RPAP3: variants seen among roughly 807,000 people sequenced by gnomAD.
RPAP3 encodes the protein RNA polymerase II associated protein 3.
RPAP3 carries 58 observed loss-of-function variants against 88.8 expected under a neutral mutation model. That is an observed-to-expected ratio of 0.65 (90% CI 0.53 to 0.81). The LOEUF (loss-of-function observed/expected upper bound fraction) is 0.81. Ranked by LOEUF, RPAP3 falls within the 40% of genes least tolerant of loss-of-function variation. RPAP3 has a pLI of 0.00. For synonymous variants in RPAP3, 255 were observed against 259.9 expected (o/e 0.98, Z 0.18); for missense variants, 751 against 764.3 (o/e 0.98, Z 0.20).
At chr12:47,667,612 C>A in intron 15 of RPAP3, 142 bp downstream of exon 15, 1 of 530,092 alleles carries the variant, frequency 1.9e-6, no homozygotes, top group Non-Finnish European at 3.4e-6. Flanking sequence ...TATAAACAAA[C>A]CAATTTTACC....
Position 47,663,471 on chromosome 12 carries a change from A to G in RPAP3, c.*34T>C. ...TTCAGTAGAAAAAATTTACATATGA[A>G]AGTCAAAAACAATTATTTCAGCAAA... is the stretch of plus-strand genomic sequence containing the variant. On this transcript the variant is annotated 3_prime_UTR_variant, in exon 17 of 17. Coordinates refer to ENST00000005386, the MANE Select transcript of RPAP3 (RefSeq NM_024604.3). The G allele has an allele frequency of 7.2e-7, 1 of 1,391,914 alleles. No individual in the cohort carries two copies. The highest frequency in any genetic ancestry group is 2.1e-5 in the Admixed American group (1 of 48,774). The allele number at this position is 1,391,914 out of a possible 1,614,324, so 86.2% of individuals were successfully genotyped here.
chr12:47,670,418 G>T, intron 12 of RPAP3, 73 bp from the exon 13 acceptor site: 1 of 827,150 alleles, frequency 1.2e-6, no homozygotes. Flanking sequence ...AAGTTAAAAG[G>T]CTGCAATGAT....
Position 47,681,797 on chromosome 12 carries a change from T to G in RPAP3, c.1013A>C (p.Asp338Ala). Residue 338 changes from aspartate (D) to alanine (A), a missense_variant, in exon 10 of 17, where the codon GAC (aspartate) becomes GCC (alanine). Physicochemically the swap from Asp to Ala is moderately radical, Grantham distance 126. Coordinates refer to ENST00000005386, the MANE Select transcript of RPAP3 (RefSeq NM_024604.3). ...KIQKYEEAEK[D>A]CTQAILLDGS... ...ATCTAATAAAATGGCTTGTGTGCAG[T>G]CTTTTTCAGCTTCTTCATATCTATT... The G allele has an allele frequency of 1.9e-6, 3 of 1,608,318 alleles. No homozygotes were observed. The highest frequency in any genetic ancestry group is 1.3e-5 in the African/African-American group (1 of 74,772).
chr12:47,681,798 C>T lies in RPAP3; in HGVS notation c.1012G>A (p.Asp338Asn). The change falls in exon 10 of 17, where the codon GAC becomes AAC. Residue 338 changes from aspartate (D) to asparagine (N), a missense_variant. Coordinates refer to ENST00000005386, the MANE Select transcript of RPAP3 (RefSeq NM_024604.3). The part of the protein sequence containing the change: ...KIQKYEEAEK[D>N]CTQAILLDGS... ...TCTAATAAAATGGCTTGTGTGCAGT[C>T]TTTTTCAGCTTCTTCATATCTATTG... 3 of 1,606,716 alleles carry T rather than the reference C, an allele frequency of 1.9e-6. No individual in the cohort carries two copies. Among genetic ancestry groups the T allele is most frequent in the African/African-American group, 1.3e-5 (1 of 74,654 alleles).
At chr12:47,681,955 T>C in intron 9 of RPAP3, 138 bp from the exon 10 acceptor site, 1 of 807,224 alleles carries the variant, frequency 1.2e-6, no homozygotes, top group Non-Finnish European at 1.8e-6. Context: ...AGTGGAGAAC[T>C]ATTTTATAAA....
At chr12:47,687,026 G>A in intron 8 of RPAP3, 119 bp from the exon 9 acceptor site, 1 of 626,990 alleles carries the variant, frequency 1.6e-6, no homozygotes, top group Non-Finnish European at 2.5e-6. Context: ...AAAGAATATT[G>A]TTAAAAATCT....
chr12:47,690,503 G>A lies in RPAP3; in HGVS notation c.667+15C>T, dbSNP rs778183108. On this transcript the variant is annotated intron_variant, in intron 6 of 16. Transcript: ENST00000005386. ...ACACTGTTAAAGAATTCTTTAGAGA[G>A]TGACTAGAAAATACCTTTTTTGGCC... is the stretch of plus-strand genomic sequence containing the variant. The A allele has an allele frequency of 1.9e-6, 3 of 1,586,340 alleles. No homozygotes were observed. In the African/African-American group the frequency reaches 4.0e-5, roughly 21 times the overall value.
At chr12:47,691,381 C>G (rs1427442666) in intron 5 of RPAP3, among the ~76,000 whole-genome samples, 1 of 152,150 alleles carries the variant, frequency 6.6e-6, no homozygotes, top group Non-Finnish European at 1.5e-5. Context: ...AAATCTTGAA[C>G]CCCTCAAAGT....
At chr12:47,683,579 T>C (rs528126725) in intron 9 of RPAP3, among the ~76,000 whole-genome samples, 1 of 152,200 alleles carries the variant, frequency 6.6e-6, no homozygotes, top group Non-Finnish European at 1.5e-5. Context: ...GCCACAGAGG[T>C]AGACGATTAT....
chr12:47,696,429 CT>C, intron 4 of RPAP3, 26 bp from the exon 5 acceptor site: 1 of 1,511,312 alleles, frequency 6.6e-7, no homozygotes, highest in Non-Finnish European at 9.0e-7. Flanking sequence ...ATAAAATGAT[CT>C]TTTTTACAAA....
At chr12:47,696,131 G>C (rs1939521213) in intron 5 of RPAP3, 145 bp downstream of exon 5, 1 of 613,250 alleles carries the variant, frequency 1.6e-6, no homozygotes, top group Non-Finnish European at 2.5e-6. Flanking sequence ...CAATAAAAAG[G>C]AGTGAGCTAT....
rs1939336380 is a variant in RPAP3 at position 47,686,886 on chromosome 12, C to G, written c.886G>C (p.Gly296Arg). ...CATTCAATTGCTCTTTCATATTTCC[C>G]CTCTTTGAAAAATCCATTCCCCTGT... Reference protein sequence around the residue: ...KDRGNGFFKEGKYERAIECYT... With the variant: ...KDRGNGFFKERKYERAIECYT... The change falls in exon 9 of 17, where the codon GGG becomes CGG. Residue 296 changes from glycine (G) to arginine (R), a missense_variant. Gly to Arg is a moderately radical substitution (Grantham distance 125). Transcript: ENST00000005386. 2 of 1,598,568 alleles carry G rather than the reference C, an allele frequency of 1.3e-6. No individual in the cohort carries two copies. Among genetic ancestry groups the G allele is most frequent in the South Asian group, 2.3e-5 (2 of 88,886 alleles).
chr12:47,683,479 A>AT (rs1939265807), intron 9 of RPAP3, among the ~76,000 whole-genome samples: 1 of 152,202 alleles, frequency 6.6e-6, no homozygotes, highest in Non-Finnish European at 1.5e-5. Context: ...TTAGGAAATC[A>AT]TTTTAATTGT....
Position 47,667,834 on chromosome 12 carries a change from CA to C in RPAP3, c.1730del (p.Leu577CysfsTer45). On this transcript the variant is annotated frameshift_variant, in exon 15 of 17. Transcript: ENST00000005386. LOFTEE classifies it high-confidence loss of function. The stretch of plus-strand genomic sequence containing the variant: ...GATTTTTCTGAAACAACTTAGGATA[CA>C]AAGATGGTTCAATTTGCTTGAAAAA... Reference protein sequence around the residue: ...YQYLKQIEPSLYPKLFQKNLD... With the variant: ...YQYLKQIEPSXYPKLFQKNLD... The C allele has an allele frequency of 3.1e-6, 5 of 1,593,706 alleles. No individual in the cohort carries two copies. Among genetic ancestry groups the C allele is most frequent in the Non-Finnish European group, 4.3e-6 (5 of 1,167,374 alleles).
chr12:47,686,958 AT>A, intron 8 of RPAP3, 51 bp from the exon 9 acceptor site: 1 of 1,154,588 alleles, frequency 8.7e-7, no homozygotes. Context: ...TTCAAAAAAA[AT>A]AAATGAATTC....
Position 47,670,109 on chromosome 12 carries a change from C to A in RPAP3, c.1524G>T (p.Leu508=). 1.3e-6 allele frequency: 2 copies of A among 1,564,218 alleles called. No homozygotes were observed. The highest frequency in any genetic ancestry group is 2.2e-5 in the South Asian group (2 of 90,026). ...CAAATAACAGTATTTCTACTCACTG[C>A]AGGGATGAAGTATCACTGACTTCTT... The part of the protein sequence containing the change: ...KIEEVSDTSS[L]QPQASLKQDV... The change falls in exon 13 of 17, where the codon CTG becomes CTT. Residue 508 remains leucine (L), a splice_region_variant and synonymous_variant. Coordinates refer to ENST00000005386, the MANE Select transcript of RPAP3 (RefSeq NM_024604.3).
At chr12:47,686,423 A>C (rs925417016) in intron 9 of RPAP3, among the ~76,000 whole-genome samples, 1 of 152,176 alleles carries the variant, frequency 6.6e-6, no homozygotes, top group African/African-American at 2.4e-5. Context: ...ACTAGAGAAA[A>C]ACTGGTAAAC....
intron 8 of RPAP3, among the ~76,000 whole-genome samples, chr12:47,687,628 T>C (rs533229321): frequency 6.6e-5 from 10 of 152,138 alleles, no homozygotes; most frequent in Non-Finnish European, 1.0e-4. Flanking sequence ...TATGTAAATA[T>C]ATAAAACATT....
At chr12:47,691,667 A>G (rs1939431769) in intron 5 of RPAP3, among the ~76,000 whole-genome samples, 1 of 152,170 alleles carries the variant, frequency 6.6e-6, no homozygotes, top group African/African-American at 2.4e-5. Context: ...TGAAAACAAC[A>G]TTCATGTCCT....
Sources: gnomAD v4.1 joint callset for allele counts (sites outside exome capture counted in the v4.1 genomes callset) on GRCh38, gnomAD v4.1.1 for gene constraint, MANE v1.5 for transcripts, NCBI Gene and HGNC (gene_info 2026-07-23, HGNC 2026-07-21) for gene names.